Variants in DNER observed in about 807,000 individuals in gnomAD.
DNER encodes the protein delta/notch like EGF repeat containing, also known as delta and Notch-like epidermal growth factor-related receptor.
Under a neutral mutation model 78.2 loss-of-function variants are expected in DNER, and 33 were observed. That is an observed-to-expected ratio of 0.42 (90% CI 0.32 to 0.56). The LOEUF is 0.56. DNER is among the 20% of genes least tolerant of loss of function. DNER has a pLI of 0.11. For missense variants in DNER, 918 were observed against 975.3 expected, an observed-to-expected ratio of 0.94 and a Z score of 0.78; for synonymous variants, 417 against 384.8, an observed-to-expected ratio of 1.08 and a Z score of -0.98.
chr2:229,667,436 C>T lies in DNER; in HGVS notation c.276+46712G>A, dbSNP rs993437331. 3.9e-5 allele frequency among the ~76,000 whole-genome samples: 6 copies of T among 152,242 alleles called. No homozygotes were observed. In the South Asian group the frequency reaches 6.2e-4, roughly 16 times the overall value. On this transcript the variant is annotated intron_variant, in intron 1 of 12. Transcript: ENST00000341772. ...TGACAAACAAATGCCTTTGGGAAGG[C>T]CAAGCAGAGTATTTCAATCAAGAAG...
intron 6 of DNER, among the ~76,000 whole-genome samples, chr2:229,494,980 T>C (rs1338777744): frequency 6.6e-6 from 1 of 152,226 alleles, no homozygotes; most frequent in South Asian, 2.1e-4. Flanking sequence ...CCATGATCTC[T>C]TTATCAAATG....
intron 1 of DNER, among the ~76,000 whole-genome samples, chr2:229,615,699 A>G (rs2052308): frequency 0.94 from 142,811 of 152,142 alleles, 67,539 homozygotes; most frequent in East Asian, 1. Flanking sequence ...GCAACAAAGC[A>G]AGACTCTGTC....
intron 1 of DNER, chr2:229,701,916 A>G (rs537536903): frequency 1.7e-4 from 28 of 161,866 alleles, no homozygotes; most frequent in African/African-American, 5.0e-4. Context: ...GAGGTAACAG[A>G]TATAGCCCCA....
At chr2:229,507,285 C>T (rs928934180) in intron 6 of DNER, among the ~76,000 whole-genome samples, 1 of 152,058 alleles carries the variant, frequency 6.6e-6, no homozygotes, top group Non-Finnish European at 1.5e-5. Flanking sequence ...GTATGTGGTC[C>T]GTCATGACTA....
Position 229,400,431 on chromosome 2 carries a change from C to A in DNER, c.1723+6801G>T, listed in dbSNP as rs569352595. 5.9e-5 allele frequency among the ~76,000 whole-genome samples: 9 copies of A among 151,978 alleles called. No individual in the cohort carries two copies. The South Asian group carries it at 1.0e-3, about 18-fold the overall frequency. On this transcript the variant is annotated intron_variant, in intron 10 of 12. Coordinates refer to ENST00000341772, the MANE Select transcript of DNER (RefSeq NM_139072.4). Reference sequence around the variant, plus strand: ...TAATACTATTCTCCAATTAAAAAAACCAGAGATCCTTAGAGAAATGAATGA... The same window carrying A: ...TAATACTATTCTCCAATTAAAAAAAACAGAGATCCTTAGAGAAATGAATGA...
At chr2:229,633,401 A>T (rs1440126655) in intron 1 of DNER, among the ~76,000 whole-genome samples, 2 of 152,342 alleles carry the variant, frequency 1.3e-5, no homozygotes, top group East Asian at 3.8e-4. Context: ...TATTGGAGTT[A>T]TATTTGGGTC....
In DNER at chr2:229,435,852, T is replaced by C. The variant is rs960743669; in HGVS notation, c.1486+11464A>G. Among the ~76,000 whole-genome samples the C allele has an allele frequency of 2.6e-5, 4 of 152,310 alleles. No homozygotes were observed. The South Asian group carries it at 8.3e-4, about 32-fold the overall frequency. ...GCAATTCCTATAAAACCAAGTGGGA[T>C]TGTAATTTTTTAATGATTTTGGCAA... On this transcript the variant is annotated intron_variant, in intron 8 of 12. Coordinates refer to ENST00000341772, the MANE Select transcript of DNER (RefSeq NM_139072.4).
chr2:229,581,721 C>T (rs1361016456), intron 4 of DNER, among the ~76,000 whole-genome samples: 1 of 152,086 alleles, frequency 6.6e-6, no homozygotes, highest in Non-Finnish European at 1.5e-5. Context: ...TCTCTTAATC[C>T]GGAATGTAGA....
chr2:229,660,017 G>A (rs11695483), intron 1 of DNER, among the ~76,000 whole-genome samples: 59,525 of 152,002 alleles, frequency 0.39, 13,981 homozygotes, highest in Non-Finnish European at 0.54. Flanking sequence ...CCTCATATGT[G>A]TATAGACAGA....
chr2:229,484,149 C>T (rs186683544), intron 6 of DNER, among the ~76,000 whole-genome samples: 1 of 152,256 alleles, frequency 6.6e-6, no homozygotes, highest in East Asian at 1.9e-4. Context: ...GTTTTTGTCC[C>T]AAAATCAACC....
At chr2:229,623,668 C>T (rs1365715122) in intron 1 of DNER, among the ~76,000 whole-genome samples, 3 of 152,210 alleles carry the variant, frequency 2.0e-5, no homozygotes, top group East Asian at 1.9e-4. Context: ...AGAAAGACTC[C>T]ATGGGCTGAG....
At chr2:229,557,684 G>C (rs1304549041) in intron 4 of DNER, among the ~76,000 whole-genome samples, 4 of 151,678 alleles carry the variant, frequency 2.6e-5, no homozygotes, top group Non-Finnish European at 5.9e-5. Flanking sequence ...GACTAAGAAG[G>C]GTGATGGGAA....
chr2:229,479,864 G>T (rs200612322), intron 6 of DNER, among the ~76,000 whole-genome samples: 5 of 152,108 alleles, frequency 3.3e-5, no homozygotes, highest in Admixed American at 1.3e-4. Flanking sequence ...GGCTAGAAAA[G>T]TATAGTACAT....
At chr2:229,415,469 T>G (rs1187519051) in intron 9 of DNER, among the ~76,000 whole-genome samples, 1 of 152,232 alleles carries the variant, frequency 6.6e-6, no homozygotes, top group African/African-American at 2.4e-5. Context: ...TACCGGGTAC[T>G]GATTTGTTAT....
chr2:229,668,573 T>TATATATACAC (rs1259916500), intron 1 of DNER, among the ~76,000 whole-genome samples: 10 of 92,206 alleles, frequency 1.1e-4, no homozygotes, highest in African/African-American at 5.8e-4. Context: ...TATATATATA[T>TATATATACAC]ATATATAAAA....
At chr2:229,660,112 T>C (rs1329012510) in intron 1 of DNER, among the ~76,000 whole-genome samples, 8 of 152,186 alleles carry the variant, frequency 5.3e-5, no homozygotes. Context: ...AATGTAAATG[T>C]GCTCCTTAAG....
intron 12 of DNER, among the ~76,000 whole-genome samples, chr2:229,365,668 T>G (rs75029671): frequency 6.6e-6 from 1 of 151,746 alleles, no homozygotes; most frequent in African/African-American, 2.4e-5. Flanking sequence ...ACTCCTGACC[T>G]CAAGTGATCC....
At chr2:229,485,718 G>A (rs530518200) in intron 6 of DNER, among the ~76,000 whole-genome samples, 1 of 152,166 alleles carries the variant, frequency 6.6e-6, no homozygotes, top group African/African-American at 2.4e-5. Context: ...GAAGAAGAAG[G>A]GCGATCAATC....
chr2:229,558,600 T>C (rs1574902038), intron 4 of DNER, among the ~76,000 whole-genome samples: 1 of 152,196 alleles, frequency 6.6e-6, no homozygotes, highest in Non-Finnish European at 1.5e-5. Context: ...TGTGATTCCA[T>C]TTATGAGGCT....
Sources: allele counts gnomAD v4.1 joint callset (sites outside exome capture counted in the v4.1 genomes callset), GRCh38; gene constraint gnomAD v4.1.1; transcripts MANE v1.5; gene names NCBI Gene and HGNC (gene_info 2026-07-23, HGNC 2026-07-21).